Variants in PRKCH observed in about 807,000 individuals in gnomAD.
PRKCH encodes the protein protein kinase C eta type.
A neutral mutation model predicts 82.5 loss-of-function variants in PRKCH; 28 were observed. The observed-to-expected ratio is 0.34, with a 90% CI of 0.25 to 0.47. PRKCH has a LOEUF of 0.47. PRKCH is among the 20% of genes least tolerant of loss of function. The pLI is 1.00. For missense variants in PRKCH, 705 were observed against 881.8 expected (o/e 0.80, Z 2.54); for synonymous variants, 322 against 327.4 (o/e 0.98, Z 0.18).
At chr14:61,511,931 T>A (rs117613431) in intron 10 of PRKCH, among the ~76,000 whole-genome samples, 1 of 152,332 alleles carries the variant, frequency 6.6e-6, no homozygotes, top group Non-Finnish European at 1.5e-5. Context: ...AGTTTTTATC[T>A]GAGTGGCTGG....
chr14:61,511,519 C>T lies in PRKCH; in HGVS notation c.1434-17556C>T, dbSNP rs533900690. The stretch of plus-strand genomic sequence containing the variant: ...TCTGAGGGCCTGGCAGGGTGAAGAA[C>T]GCTCCTTGCCTCCTGAACCATATAA... On this transcript the variant is annotated intron_variant, in intron 10 of 13. Coordinates refer to ENST00000332981, the MANE Select transcript of PRKCH (RefSeq NM_006255.5). Among the ~76,000 whole-genome samples the T allele has an allele frequency of 3.9e-5, 6 of 152,320 alleles. No homozygotes were observed. The East Asian group carries it at 5.8e-4, about 15-fold the overall frequency.
intron 2 of PRKCH, among the ~76,000 whole-genome samples, chr14:61,431,387 A>G (rs962958933): frequency 1.3e-5 from 2 of 152,206 alleles, no homozygotes; most frequent in Admixed American, 6.5e-5. Context: ...CAAATTGCCC[A>G]CTTGGCCCTC....
chr14:61,235,246 T>A (rs1244902261), intron 1 of PRKCH, among the ~76,000 whole-genome samples: 1 of 152,210 alleles, frequency 6.6e-6, no homozygotes, highest in Non-Finnish European at 1.5e-5. Context: ...TGTGAGTCAG[T>A]AGAAACCCAA....
At chr14:61,255,734 C>G (rs1345698645) in intron 1 of PRKCH, among the ~76,000 whole-genome samples, 51 of 152,028 alleles carry the variant, frequency 3.4e-4, no homozygotes, top group Admixed American at 3.3e-3. Flanking sequence ...TGAAAGCAGC[C>G]ACTTAAAAGG....
intron 9 of PRKCH, among the ~76,000 whole-genome samples, chr14:61,465,705 G>A (rs978796705): frequency 2.6e-5 from 4 of 152,080 alleles, no homozygotes; most frequent in Non-Finnish European, 5.9e-5. Context: ...TTGATGTCGT[G>A]CATTATTTAT....
At chr14:61,296,452 T>G (rs1303839291) in intron 1 of PRKCH, among the ~76,000 whole-genome samples, 1 of 152,208 alleles carries the variant, frequency 6.6e-6, no homozygotes, top group African/African-American at 2.4e-5. Flanking sequence ...GGAAAATTCC[T>G]TTGACCCCAG....
intron 10 of PRKCH, among the ~76,000 whole-genome samples, chr14:61,524,637 AT>A (rs1277766935): frequency 6.6e-6 from 1 of 152,190 alleles, no homozygotes; most frequent in Non-Finnish European, 1.5e-5. Flanking sequence ...TTTAAAAAAA[AT>A]AAAGGCATGA....
intron 1 of PRKCH, among the ~76,000 whole-genome samples, chr14:61,275,895 C>T (rs912700178): frequency 6.6e-6 from 1 of 152,176 alleles, no homozygotes; most frequent in African/African-American, 2.4e-5. Context: ...CTGGTTTGCT[C>T]CGGTAACCTA....
At chr14:61,272,416 C>T (rs1429250301) in intron 1 of PRKCH, among the ~76,000 whole-genome samples, 1 of 125,474 alleles carries the variant, frequency 8.0e-6, no homozygotes, top group Non-Finnish European at 1.6e-5. Context: ...TGCAGTGGCA[C>T]GGTCTAGGCT....
chr14:61,380,110 G>T (rs538346773), intron 1 of PRKCH, among the ~76,000 whole-genome samples: 1 of 152,148 alleles, frequency 6.6e-6, no homozygotes, highest in African/African-American at 2.4e-5. Context: ...GCTCTCCGGG[G>T]TGCAGTGTTG....
chr14:61,294,864 T>C (rs773014251), intron 1 of PRKCH, among the ~76,000 whole-genome samples: 1 of 152,128 alleles, frequency 6.6e-6, no homozygotes, highest in Non-Finnish European at 1.5e-5. Flanking sequence ...TTAATTCCTA[T>C]ACCTATCTTC....
intron 10 of PRKCH, among the ~76,000 whole-genome samples, chr14:61,487,922 G>A (rs976406009): frequency 5.9e-5 from 9 of 152,124 alleles, no homozygotes; most frequent in Non-Finnish European, 1.0e-4. Context: ...GGGAGGCCGA[G>A]GCGGGCGGAT....
Position 61,428,076 on chromosome 14 carries a change from T to TACAC in PRKCH, c.428-15017_428-15014dup, listed in dbSNP as rs1555386066. Among the ~76,000 whole-genome samples, 632 of 126,234 alleles carry TACAC rather than the reference T, an allele frequency of 5.0e-3. 9 individuals are homozygous for TACAC. The highest frequency in any genetic ancestry group is 0.014 in the African/African-American group (464 of 32,750). 82.8% of individuals were successfully genotyped at this position (126,234 alleles called of 152,430 possible). A position where few individuals can be genotyped will look rare whatever the true frequency, so the allele number is the denominator to read the frequency against. On this transcript the variant is annotated intron_variant, in intron 2 of 13. Coordinates refer to ENST00000332981, the MANE Select transcript of PRKCH (RefSeq NM_006255.5). ...ATAGATAGATAGATAGATAGATAGA[T>TACAC]ACACACACACACACACACACATATA...
intron 1 of PRKCH, among the ~76,000 whole-genome samples, chr14:61,354,525 TA>T (rs1333458283): frequency 2.6e-5 from 4 of 152,118 alleles, no homozygotes; most frequent in African/African-American, 7.2e-5. Context: ...TCTTAGGGAA[TA>T]TTTTTTTCTG....
chr14:61,416,131 C>T (rs1882548791), intron 2 of PRKCH, among the ~76,000 whole-genome samples: 1 of 138,608 alleles, frequency 7.2e-6, no homozygotes, highest in Admixed American at 7.9e-5. Flanking sequence ...TGGCTCACTG[C>T]AACCTCTGCC....
intron 10 of PRKCH, among the ~76,000 whole-genome samples, chr14:61,494,714 A>G (rs1427937408): frequency 6.6e-6 from 1 of 152,254 alleles, no homozygotes; most frequent in African/African-American, 2.4e-5. Flanking sequence ...CTTGGTATCC[A>G]TAGGCATAGG....
At chr14:61,367,816 G>A (rs1286914475) in intron 1 of PRKCH, among the ~76,000 whole-genome samples, 6 of 149,738 alleles carry the variant, frequency 4.0e-5, no homozygotes, top group Non-Finnish European at 5.9e-5. Context: ...CCAGGTTCAC[G>A]CCATTCTCCT....
intron 2 of PRKCH, among the ~76,000 whole-genome samples, chr14:61,422,382 G>A (rs114710807): frequency 6.6e-6 from 1 of 152,166 alleles, no homozygotes; most frequent in East Asian, 1.9e-4. Context: ...GAGCCACAGT[G>A]CCTGGCCAAT....
chr14:61,532,393 T>C (rs182313421), intron 12 of PRKCH, among the ~76,000 whole-genome samples: 2 of 152,340 alleles, frequency 1.3e-5, no homozygotes, highest in Non-Finnish European at 2.9e-5. Flanking sequence ...TCCAGATCAG[T>C]GTTTCTCTGA....
Sources: allele counts gnomAD v4.1 joint callset (sites outside exome capture counted in the v4.1 genomes callset), GRCh38; gene constraint gnomAD v4.1.1; transcripts MANE v1.5; gene names NCBI Gene and HGNC (gene_info 2026-07-23, HGNC 2026-07-21).